CRPPA: variants seen among roughly 807,000 people sequenced by gnomAD.
The protein encoded by CRPPA is D-ribitol-5-phosphate cytidylyltransferase.
CRPPA carries 43 observed loss-of-function variants against 52.0 expected under a neutral mutation model. That is an observed-to-expected ratio of 0.83 (90% CI 0.65 to 1.07). The LOEUF (loss-of-function observed/expected upper bound fraction) is 1.07. Ranked by LOEUF, CRPPA falls within the 50% of genes least tolerant of loss-of-function variation. The pLI is 0.00. For synonymous variants in CRPPA, 250 were observed against 203.5 expected (o/e 1.23, Z -1.94); for missense variants, 629 against 551.7 (o/e 1.14, Z -1.40).
At chr7:16,096,651 T>C (rs1781940378) in intron 9 of CRPPA, among the ~76,000 whole-genome samples, 1 of 152,176 alleles carries the variant, frequency 6.6e-6, no homozygotes, top group South Asian at 2.1e-4. Flanking sequence ...GAGTGCAGGT[T>C]GCCCAGGTTG....
rs1288266762 is a variant in CRPPA, at chr7:16,421,140, C to T, written c.183G>A (p.Gly61=). The T allele has an allele frequency of 1.5e-6, 2 of 1,332,740 alleles. No individual in the cohort carries two copies. The highest frequency in any genetic ancestry group is 1.5e-5 in the African/African-American group (1 of 65,316). 82.6% of individuals were successfully genotyped at this position (1,332,740 alleles called of 1,614,324 possible). ...GGCAGAATTGCTTCGGGGTGGGGAC[C>T]CCCATCCTCTCCCCGCACCCCCCGG... ...LPAGGCGERM[G]VPTPKQFCPI... is the part of the protein sequence containing the mutation. The change falls in exon 1 of 10, where the codon GGG becomes GGA. Residue 61 remains glycine, a synonymous_variant. Transcript: ENST00000407010.
rs886062158 is a variant in CRPPA at position 16,089,883 on chromosome 7, G to C, written c.*1812C>G. The C allele has an allele frequency of 6.2e-6, 1 of 160,930 alleles. No homozygotes were observed. The highest frequency in any genetic ancestry group is 2.4e-5 in the African/African-American group (1 of 41,508). The allele number at this position is 160,930 out of a possible 1,614,324, so 10.0% of individuals were successfully genotyped here. ...TTTTGCTGTGCCACAAATATGCCCA[G>C]TTTACTGCATTCTTCTTCAAGGCAC... On this transcript the variant is annotated 3_prime_UTR_variant, in exon 10 of 10. Coordinates refer to ENST00000407010, the MANE Select transcript of CRPPA (RefSeq NM_001101426.4).
At chr7:16,310,615 C>G (rs1562623891) in intron 3 of CRPPA, among the ~76,000 whole-genome samples, 1 of 151,972 alleles carries the variant, frequency 6.6e-6, no homozygotes, top group Non-Finnish European at 1.5e-5. Flanking sequence ...TCGTGTGACT[C>G]ATCGACAAAG....
chr7:16,256,047 G>A (rs1469627047), intron 8 of CRPPA, among the ~76,000 whole-genome samples: 2 of 152,124 alleles, frequency 1.3e-5, no homozygotes, highest in African/African-American at 4.8e-5. Context: ...CTATCTATCT[G>A]ACAAAGGTCG....
At position 16,380,802 on chromosome 7, in the gene CRPPA, T is replaced by C. The variant is rs307157; in HGVS notation, c.535-4561A>G. Among the ~76,000 whole-genome samples the C allele has an allele frequency of 2.4e-3, 361 of 152,356 alleles. 1 individual carries two copies. Among genetic ancestry groups the C allele is most frequent in the Non-Finnish European group, 4.2e-3 (288 of 68,038 alleles). On this transcript the variant is annotated intron_variant, in intron 2 of 9. Transcript: ENST00000407010. ...TAGAGGTGTTTGAGGTATTCTCTGA[T>C]GGTAGTTCGTATTTCTGTGGGATCA...
chr7:16,117,376 C>T (rs187097806), intron 9 of CRPPA, among the ~76,000 whole-genome samples: 3 of 152,256 alleles, frequency 2.0e-5, no homozygotes, highest in East Asian at 3.9e-4. Flanking sequence ...TCTGGGTAGA[C>T]GAGCCTTCCT....
intron 2 of CRPPA, among the ~76,000 whole-genome samples, chr7:16,398,964 C>G (rs572843643): frequency 2.6e-5 from 4 of 152,358 alleles, no homozygotes; most frequent in African/African-American, 9.6e-5. Context: ...CAACACGTGA[C>G]ACCTGACCAG....
intron 9 of CRPPA, among the ~76,000 whole-genome samples, chr7:16,119,828 A>G (rs886455609): frequency 6.6e-6 from 1 of 152,246 alleles, no homozygotes; most frequent in Non-Finnish European, 1.5e-5. Context: ...CTGAAATGCC[A>G]GGAAGACAAC....
At chr7:16,153,471 G>A (rs1167311252) in intron 9 of CRPPA, among the ~76,000 whole-genome samples, 1 of 152,064 alleles carries the variant, frequency 6.6e-6, no homozygotes, top group Non-Finnish European at 1.5e-5. Context: ...GAAAAGGCTT[G>A]CTTCCCTAGT....
chr7:16,375,544 C>A (rs1024732022), intron 3 of CRPPA, among the ~76,000 whole-genome samples: 10 of 152,016 alleles, frequency 6.6e-5, no homozygotes, highest in East Asian at 3.9e-4. Context: ...GATAACTTAC[C>A]ATAGTACATC....
intron 9 of CRPPA, among the ~76,000 whole-genome samples, chr7:16,171,428 G>A (rs1781184708): frequency 6.6e-6 from 1 of 151,852 alleles, no homozygotes; most frequent in Non-Finnish European, 1.5e-5. Flanking sequence ...CACTAAATAG[G>A]TCTAAAAGTA....
intron 5 of CRPPA, among the ~76,000 whole-genome samples, chr7:16,283,964 T>C (rs1451072034): frequency 6.6e-6 from 1 of 152,078 alleles, no homozygotes. Flanking sequence ...ATTTCAATTC[T>C]ATATTGGAAC....
intron 1 of CRPPA, 134 bp from the exon 2 acceptor site, chr7:16,406,471 T>C: frequency 1.4e-6 from 1 of 712,276 alleles, no homozygotes; most frequent in Non-Finnish European, 2.3e-6. Flanking sequence ...AACAGTTTTA[T>C]GCATTCTCGT....
intron 9 of CRPPA, among the ~76,000 whole-genome samples, chr7:16,125,888 TACACACACACACACACAC>T (rs3083131): frequency 5.2e-5 from 7 of 134,234 alleles, no homozygotes; most frequent in South Asian, 5.3e-4. Flanking sequence ...GAAGCTTGCC[TACACACACACACACACAC>T]ACACACACAC....
intron 2 of CRPPA, among the ~76,000 whole-genome samples, chr7:16,389,941 A>C (rs1175551649): frequency 7.6e-6 from 1 of 132,170 alleles, no homozygotes; most frequent in African/African-American, 3.0e-5. Context: ...ATATATATAT[A>C]TATATATATA....
intron 9 of CRPPA, among the ~76,000 whole-genome samples, chr7:16,186,659 T>C (rs927533998): frequency 3.3e-5 from 5 of 152,194 alleles, no homozygotes; most frequent in African/African-American, 9.6e-5. Flanking sequence ...ATCAAAATAA[T>C]AGACTATCAA....
intron 9 of CRPPA, among the ~76,000 whole-genome samples, chr7:16,182,232 T>C (rs1405945728): frequency 6.6e-6 from 1 of 151,902 alleles, no homozygotes; most frequent in Non-Finnish European, 1.5e-5. Flanking sequence ...CTAGAGAAAC[T>C]ATATCAACTA....
At chr7:16,294,713 T>C (rs886462198) in intron 5 of CRPPA, among the ~76,000 whole-genome samples, 2 of 152,044 alleles carry the variant, frequency 1.3e-5, no homozygotes, top group Non-Finnish European at 2.9e-5. Context: ...AAACTTGGGG[T>C]TACTATATAC....
chr7:16,337,605 T>A (rs2128432108), intron 3 of CRPPA, among the ~76,000 whole-genome samples: 1 of 152,164 alleles, frequency 6.6e-6, no homozygotes, highest in African/African-American at 2.4e-5. Context: ...TGACAACTGT[T>A]TTTTTGCAAA....
Sources: allele counts gnomAD v4.1 joint callset (sites outside exome capture counted in the v4.1 genomes callset), GRCh38; gene constraint gnomAD v4.1.1; transcripts MANE v1.5; gene names NCBI Gene and HGNC (gene_info 2026-07-23, HGNC 2026-07-21).